The following ASXL3 variants were observed in gnomAD, a reference collection of about 807,000 sequenced individuals.
ASXL3 encodes the protein putative Polycomb group protein ASXL3.
In ASXL3, 34 loss-of-function variants were observed where a neutral mutation model predicts 170.6. That is an observed-to-expected ratio of 0.20 (90% CI 0.15 to 0.27). The LOEUF is 0.27. Among genes scored for constraint, ASXL3 ranks in the 10% least tolerant of loss-of-function variants. ASXL3 has a pLI of 1.00. For synonymous variants in ASXL3, 1,002 were observed against 989.1 expected (o/e 1.01, Z -0.24); for missense variants, 2,592 against 2,695.3 (o/e 0.96, Z 0.85).
At chr18:33,691,002 G>GATC (rs2066679154) in intron 8 of ASXL3, among the ~76,000 whole-genome samples, 3 of 152,082 alleles carry the variant, frequency 2.0e-5, no homozygotes, top group Admixed American at 2.0e-4. Flanking sequence ...GGACTGTCAT[G>GATC]ATCATGGCTG....
At position 33,749,837 on chromosome 18, in the gene ASXL3, G is replaced by A. The variant is rs2067856287; in HGVS notation, c.*3242G>A. The stretch of plus-strand genomic sequence containing the variant: ...TATATAGAAAGTTTAGTTGACTGCT[G>A]GACCTTGGATATTCTTACTCGGTTC... On this transcript the variant is annotated 3_prime_UTR_variant, in exon 12 of 12. Coordinates refer to ENST00000269197, the MANE Select transcript of ASXL3 (RefSeq NM_030632.3). 1 of 152,180 alleles carries A rather than the reference G, an allele frequency of 6.6e-6. No homozygotes were observed. The highest frequency in any genetic ancestry group is 1.5e-5 in the Non-Finnish European group (1 of 68,048). The allele number at this position is 152,180 out of a possible 1,614,324, so 9.4% of individuals were successfully genotyped here.
At chr18:33,635,717 A>C (rs2145181573) in intron 2 of ASXL3, among the ~76,000 whole-genome samples, 1 of 152,338 alleles carries the variant, frequency 6.6e-6, no homozygotes. Context: ...CTAAAAGAAA[A>C]GAATGCAGGG....
At chr18:33,709,113 A>G (rs1224757487) in intron 8 of ASXL3, among the ~76,000 whole-genome samples, 2 of 152,216 alleles carry the variant, frequency 1.3e-5, no homozygotes, top group African/African-American at 4.8e-5. Flanking sequence ...TGAAAAACAA[A>G]CATACATAAA....
intron 8 of ASXL3, among the ~76,000 whole-genome samples, chr18:33,714,947 G>A (rs1019363896): frequency 3.3e-5 from 5 of 152,120 alleles, no homozygotes; most frequent in African/African-American, 1.2e-4. Flanking sequence ...AATTGGTAAA[G>A]TTACCTAACA....
At chr18:33,740,566 T>G (rs1192078337) in intron 11 of ASXL3, 123 bp downstream of exon 11, 1 of 963,592 alleles carries the variant, frequency 1.0e-6, no homozygotes, top group African/African-American at 1.7e-5. Context: ...TATAATCTAA[T>G]CCTCTAATAG....
Position 33,633,737 on chromosome 18 carries a change from C to T in ASXL3, c.138-11157C>T, listed in dbSNP as rs536175040. Among the ~76,000 whole-genome samples the T allele has an allele frequency of 5.1e-4, 76 of 149,016 alleles. No individual in the cohort carries two copies. The East Asian group carries it at 0.012, about 24-fold the overall frequency. ...GCGCGTGCCTGTAGTCCTGGCTACT[C>T]GGGAGGCTGAGGCAGGGGAATCACT... On this transcript the variant is annotated intron_variant, in intron 2 of 11. Transcript: ENST00000269197.
chr18:33,578,850 C>CTGTG (rs1491468534), intron 1 of ASXL3, 165 bp downstream of exon 1: 1 of 331,628 alleles, frequency 3.0e-6, no homozygotes, highest in Non-Finnish European at 4.6e-6. Context: ...CCGGGGGCCC[C>CTGTG]TGTGTGTGTG....
In ASXL3 at chr18:33,751,057, T is replaced by A. The variant is rs1404528435; in HGVS notation, c.*4462T>A. On this transcript the variant is annotated 3_prime_UTR_variant, in exon 12 of 12. Coordinates refer to ENST00000269197, the MANE Select transcript of ASXL3 (RefSeq NM_030632.3). ...AGAAAACAAGTGTTGCCTACAAAAG[T>A]GACTGCTCACAATACCATAAGTTAA... 1 of 152,204 alleles carries A rather than the reference T, an allele frequency of 6.6e-6. No individual in the cohort carries two copies. The highest frequency in any genetic ancestry group is 1.5e-5 in the Non-Finnish European group (1 of 68,022). 9.4% of individuals were successfully genotyped at this position (152,204 alleles called of 1,614,324 possible).
At chr18:33,598,972 A>G (rs376199824) in intron 1 of ASXL3, among the ~76,000 whole-genome samples, 22 of 152,286 alleles carry the variant, frequency 1.4e-4, no homozygotes, top group Admixed American at 4.6e-4. Context: ...CCTATGTGAT[A>G]GGGTTGTTAA....
At chr18:33,679,441 G>T (rs2066480402) in intron 7 of ASXL3, among the ~76,000 whole-genome samples, 1 of 151,986 alleles carries the variant, frequency 6.6e-6, no homozygotes. Context: ...TTATAAGTAA[G>T]ATTGGCTAAT....
chr18:33,611,981 G>T (rs2065342270), intron 2 of ASXL3, among the ~76,000 whole-genome samples: 1 of 152,012 alleles, frequency 6.6e-6, no homozygotes, highest in African/African-American at 2.4e-5. Flanking sequence ...TCCAGGGGCT[G>T]CAAGGTTATG....
chr18:33,617,959 A>AT (rs1189744484), intron 2 of ASXL3, among the ~76,000 whole-genome samples: 1 of 151,948 alleles, frequency 6.6e-6, no homozygotes, highest in Non-Finnish European at 1.5e-5. Flanking sequence ...TTCCTCTCTT[A>AT]TTTCATTGCT....
rs916597985 is a variant in ASXL3, at chr18:33,743,792, C to T, written c.3944C>T (p.Ser1315Leu). ...GCCACTACAGAGGGCTCCAGCATAT[C>T]AAGCTCCATGGATGATAAGCAGTTA... Reference protein sequence around the residue: ...ISATTEGSSISSSMDDKQLLI... With the variant: ...ISATTEGSSILSSMDDKQLLI... The change falls in exon 12 of 12, where the codon TCA becomes TTA. Residue 1315 changes from serine to leucine, a missense_variant. By Grantham distance (145) the Ser-to-Leu change is moderately radical. This residue lies in a region of ASXL3 where 2,246 missense variants were observed against 2,219.6 expected (regional missense o/e 1.01). Transcript: ENST00000269197. 1 of 1,613,904 alleles carries T rather than the reference C, an allele frequency of 6.2e-7. No individual in the cohort carries two copies. The highest frequency in any genetic ancestry group is 1.3e-5 in the African/African-American group (1 of 74,940).
intron 3 of ASXL3, among the ~76,000 whole-genome samples, chr18:33,645,495 A>G (rs753673373): frequency 6.6e-6 from 1 of 152,010 alleles, no homozygotes; most frequent in South Asian, 2.1e-4. Flanking sequence ...GCACACTTGT[A>G]TGAGAAGAAG....
chr18:33,649,571 C>A (rs1265250819), intron 4 of ASXL3: 3 of 152,086 alleles, frequency 2.0e-5, no homozygotes, highest in Admixed American at 2.0e-4. Context: ...GTCCATTTTT[C>A]TCCAGTCATG....
intron 8 of ASXL3, among the ~76,000 whole-genome samples, chr18:33,729,607 A>G (rs1400645198): frequency 6.6e-6 from 1 of 152,102 alleles, no homozygotes; most frequent in Non-Finnish European, 1.5e-5. Context: ...TGGTCATAAT[A>G]TTAATGTATT....
At chr18:33,701,154 T>A (rs1033217919) in intron 8 of ASXL3, among the ~76,000 whole-genome samples, 1 of 152,090 alleles carries the variant, frequency 6.6e-6, no homozygotes, top group African/African-American at 2.4e-5. Context: ...ATTAATAATA[T>A]ATGAATATCC....
At chr18:33,726,683 C>T (rs1295791348) in intron 8 of ASXL3, among the ~76,000 whole-genome samples, 1 of 152,048 alleles carries the variant, frequency 6.6e-6, no homozygotes, top group Non-Finnish European at 1.5e-5. Context: ...ATATGTGACT[C>T]ACCTTTATAC....
At chr18:33,720,466 GT>G (rs777805385) in intron 8 of ASXL3, among the ~76,000 whole-genome samples, 16 of 152,138 alleles carry the variant, frequency 1.1e-4, no homozygotes, top group Admixed American at 6.6e-4. Context: ...TACATTGGAA[GT>G]TTTTTCCCCC....
Sources: allele counts gnomAD v4.1 joint callset (sites outside exome capture counted in the v4.1 genomes callset), GRCh38; gene constraint gnomAD v4.1.1; regional missense constraint gnomAD v4.1.1; transcripts MANE v1.5; gene names NCBI Gene and HGNC (gene_info 2026-07-23, HGNC 2026-07-21).